The following FAM135B variants were observed in gnomAD, a reference collection of about 807,000 sequenced individuals.
FAM135B encodes family with sequence similarity 135 member B.
FAM135B carries 43 observed loss-of-function variants against 127.7 expected under a neutral mutation model. The observed-to-expected ratio is 0.34, with a 90% CI of 0.26 to 0.43. The LOEUF is 0.43. Ranked by LOEUF, FAM135B falls within the 20% of genes least tolerant of loss-of-function variation. The pLI, the probability that FAM135B is intolerant of heterozygous loss-of-function variation, is 1.00. For missense variants in FAM135B, 1,558 were observed against 1,725.6 expected (o/e 0.90, Z 1.72); for synonymous variants, 670 against 665.1 (o/e 1.01, Z -0.11).
intron 3 of FAM135B, among the ~76,000 whole-genome samples, chr8:138,296,719 G>A (rs894800205): frequency 1.3e-5 from 2 of 152,082 alleles, no homozygotes; most frequent in Non-Finnish European, 2.9e-5. Context: ...TATTTTGTGT[G>A]ATATATATTT....
intron 1 of FAM135B, among the ~76,000 whole-genome samples, chr8:138,466,870 T>G (rs764849342): frequency 6.6e-6 from 1 of 152,242 alleles, no homozygotes; most frequent in Non-Finnish European, 1.5e-5. Flanking sequence ...AGCAAATTTA[T>G]ACAAACTTTA....
At chr8:138,161,935 T>C (rs759749584) in intron 12 of FAM135B, among the ~76,000 whole-genome samples, 1 of 146,084 alleles carries the variant, frequency 6.8e-6, no homozygotes, top group Admixed American at 6.9e-5. Context: ...GCCCCAAGGC[T>C]AGCATCATGG....
intron 8 of FAM135B, among the ~76,000 whole-genome samples, chr8:138,197,218 T>C (rs1816720124): frequency 6.6e-6 from 1 of 152,156 alleles, no homozygotes; most frequent in South Asian, 2.1e-4. Context: ...CATTTTCCTC[T>C]AGAAAGCAAC....
intron 1 of FAM135B, among the ~76,000 whole-genome samples, chr8:138,463,116 A>C (rs988981907): frequency 6.6e-6 from 1 of 152,196 alleles, no homozygotes; most frequent in Non-Finnish European, 1.5e-5. Context: ...TCTAAAAGGA[A>C]GTTTCTATTC....
At chr8:138,378,865 A>G (rs1281638830) in intron 1 of FAM135B, among the ~76,000 whole-genome samples, 1 of 152,110 alleles carries the variant, frequency 6.6e-6, no homozygotes, top group Admixed American at 6.6e-5. Flanking sequence ...GCAGGCACAT[A>G]AGATTTCACA....
chr8:138,178,384 G>A (rs538223829), intron 10 of FAM135B, 151 bp downstream of exon 10: 1 of 811,968 alleles, frequency 1.2e-6, no homozygotes, highest in Non-Finnish European at 1.9e-6. Flanking sequence ...GGCTAAGGAA[G>A]TTCACAACGC....
At chr8:138,368,621 C>T (rs1830917816) in intron 1 of FAM135B, among the ~76,000 whole-genome samples, 1 of 152,150 alleles carries the variant, frequency 6.6e-6, no homozygotes. Flanking sequence ...GGAGCAATAT[C>T]AAGCGTGGCA....
intron 9 of FAM135B, 75 bp from the exon 10 acceptor site, chr8:138,178,765 T>A (rs2130985685): frequency 7.3e-7 from 1 of 1,366,444 alleles, no homozygotes; most frequent in Non-Finnish European, 1.0e-6. Flanking sequence ...CCTGAAGTCT[T>A]TACTGACTTT....
intron 7 of FAM135B, among the ~76,000 whole-genome samples, chr8:138,240,740 C>G (rs532645156): frequency 1.3e-5 from 2 of 152,224 alleles, no homozygotes; most frequent in East Asian, 3.9e-4. Flanking sequence ...GTGGTGGCAC[C>G]TGACAAAGTC....
chr8:138,479,236 G>A (rs142312426), intron 1 of FAM135B, among the ~76,000 whole-genome samples: 2 of 152,220 alleles, frequency 1.3e-5, no homozygotes, highest in African/African-American at 2.4e-5. Context: ...CTGTCCATGT[G>A]GGTTTTTATG....
intron 1 of FAM135B, among the ~76,000 whole-genome samples, chr8:138,471,965 G>A (rs1837700486): frequency 6.6e-6 from 1 of 152,162 alleles, no homozygotes. Flanking sequence ...ACCATGCAAA[G>A]GGGCATCCTT....
At chr8:138,421,374 T>C (rs1321561342) in intron 1 of FAM135B, among the ~76,000 whole-genome samples, 1 of 152,184 alleles carries the variant, frequency 6.6e-6, no homozygotes, top group African/African-American at 2.4e-5. Flanking sequence ...ACAGATGATA[T>C]GGTTTTACAC....
chr8:138,367,207 A>G (rs1355587917), intron 2 of FAM135B: 1 of 326,336 alleles, frequency 3.1e-6, no homozygotes, highest in African/African-American at 2.2e-5. Flanking sequence ...ACTTAATTCA[A>G]TTTCTATTAA....
At chr8:138,196,360 G>A (rs941429535) in intron 8 of FAM135B, among the ~76,000 whole-genome samples, 11 of 152,166 alleles carry the variant, frequency 7.2e-5, no homozygotes, top group Non-Finnish European at 1.5e-4. Flanking sequence ...CTGAGTACAG[G>A]ATTTGTATAT....
chr8:138,143,342 T>C, intron 15 of FAM135B, among the ~76,000 whole-genome samples: 1 of 152,110 alleles, frequency 6.6e-6, no homozygotes, highest in South Asian at 2.1e-4. Flanking sequence ...TGGCTGACAC[T>C]GAAGTAGCAA....
chr8:138,253,005 T>C (rs1018313349), intron 5 of FAM135B, among the ~76,000 whole-genome samples: 1 of 152,162 alleles, frequency 6.6e-6, no homozygotes, highest in Non-Finnish European at 1.5e-5. Flanking sequence ...TTCACCATGT[T>C]GGGCAGGCTG....
At position 138,477,920 on chromosome 8, in the gene FAM135B, GAA is replaced by G. The variant is rs370322661; in HGVS notation, c.-20+18749_-20+18750del. Among the ~76,000 whole-genome samples, 87 of 152,262 alleles carry G rather than the reference GAA, an allele frequency of 5.7e-4. 1 individual carries two copies. The highest frequency in any genetic ancestry group is 2.1e-3 in the African/African-American group (86 of 41,534). On this transcript the variant is annotated intron_variant, in intron 1 of 19. Coordinates refer to ENST00000395297, the MANE Select transcript of FAM135B (RefSeq NM_015912.4). ...GCAGAGATCTCATGGTCATGAACCA[GAA>G]AAAGACAGACATACAGTAAAGATGT...
intron 1 of FAM135B, among the ~76,000 whole-genome samples, chr8:138,420,356 T>C (rs946106647): frequency 6.6e-6 from 1 of 151,770 alleles, no homozygotes; most frequent in South Asian, 2.1e-4. Context: ...GAATCAATAA[T>C]AAAAAATCTA....
chr8:138,162,980 A>C (rs191920098), intron 12 of FAM135B, among the ~76,000 whole-genome samples: 1 of 152,374 alleles, frequency 6.6e-6, no homozygotes, highest in East Asian at 1.9e-4. Flanking sequence ...TGCAGAAAGT[A>C]AGTCAGTTGC....
Sources: allele counts gnomAD v4.1 joint callset (sites outside exome capture counted in the v4.1 genomes callset), GRCh38; gene constraint gnomAD v4.1.1; transcripts MANE v1.5; gene names NCBI Gene and HGNC (gene_info 2026-07-23, HGNC 2026-07-21).